The following ASIC2 variants were observed in gnomAD, a reference collection of about 807,000 sequenced individuals.
ASIC2 encodes the protein acid-sensing ion channel 2.
Under a neutral mutation model 57.3 loss-of-function variants are expected in ASIC2, and 25 were observed. That is an observed-to-expected ratio of 0.44 (90% CI 0.32 to 0.61). The LOEUF is 0.61. Ranked by LOEUF, ASIC2 falls within the 20% of genes least tolerant of loss-of-function variation. The probability of loss-of-function intolerance (pLI) is 0.06; values close to 1 mark genes in which losing one functional copy is unlikely to be tolerated. For synonymous variants in ASIC2, 319 were observed against 307.5 expected, an observed-to-expected ratio of 1.04 and a Z score of -0.39; for missense variants, 641 against 738.1, an observed-to-expected ratio of 0.87 and a Z score of 1.52.
At chr17:33,394,325 A>C (rs1909999900) in intron 1 of ASIC2, among the ~76,000 whole-genome samples, 1 of 152,212 alleles carries the variant, frequency 6.6e-6, no homozygotes, top group Non-Finnish European at 1.5e-5. Context: ...ACCCATCAGA[A>C]GGGGTAGAGC....
At chr17:33,381,396 C>T (rs1649155629) in intron 1 of ASIC2, among the ~76,000 whole-genome samples, 1 of 152,244 alleles carries the variant, frequency 6.6e-6, no homozygotes, top group South Asian at 2.1e-4. Flanking sequence ...ACAGCTGGAA[C>T]CAGTTGCTTT....
chr17:33,620,268 C>G (rs1167711339), intron 1 of ASIC2, among the ~76,000 whole-genome samples: 1 of 150,618 alleles, frequency 6.6e-6, no homozygotes, highest in Non-Finnish European at 1.5e-5. Context: ...AAAACACGTC[C>G]TGCATTTTCC....
At position 33,548,425 on chromosome 17, in the gene ASIC2, C is replaced by T. The variant is rs893062073; in HGVS notation, c.556-436358G>A. Among the ~76,000 whole-genome samples, 11 of 152,118 alleles carry T rather than the reference C, an allele frequency of 7.2e-5. 1 individual carries two copies. Among genetic ancestry groups the T allele is most frequent in the Admixed American group, 2.6e-4 (4 of 15,266 alleles). Reference sequence around the variant, plus strand: ...CAGAAGTACATTTCCTTGCTTGTTCCGCTCAGTGTTTAATTAGAAGAAAGG... The same window carrying T: ...CAGAAGTACATTTCCTTGCTTGTTCTGCTCAGTGTTTAATTAGAAGAAAGG... On this transcript the variant is annotated intron_variant, in intron 1 of 9. Coordinates refer to the ASIC2 transcript ENST00000359872.
chr17:33,749,314 T>G (rs950968887), intron 1 of ASIC2, among the ~76,000 whole-genome samples: 2 of 151,766 alleles, frequency 1.3e-5, no homozygotes, highest in Non-Finnish European at 2.9e-5. Context: ...ACCCCATCTT[T>G]GCTTGGTAGG....
intron 1 of ASIC2, among the ~76,000 whole-genome samples, chr17:33,317,271 C>A (rs190795526): frequency 3.3e-5 from 5 of 151,522 alleles, no homozygotes; most frequent in Non-Finnish European, 5.9e-5. Context: ...ATGCTGTGAG[C>A]AGTTCCTCCT....
chr17:33,673,917 CG>C (rs1420047602), intron 1 of ASIC2, among the ~76,000 whole-genome samples: 10 of 136,192 alleles, frequency 7.3e-5, no homozygotes, highest in Admixed American at 7.0e-4. Flanking sequence ...TTTTTGGAGA[CG>C]GAGTCTCACT....
chr17:33,429,091 T>C (rs1055001007), intron 1 of ASIC2, among the ~76,000 whole-genome samples: 2 of 152,152 alleles, frequency 1.3e-5, no homozygotes, highest in Admixed American at 1.3e-4. Context: ...TGTGTCAGGG[T>C]AAGGTGTCTG....
intron 1 of ASIC2, among the ~76,000 whole-genome samples, chr17:33,539,562 TG>T (rs1341478602): frequency 6.6e-6 from 1 of 152,234 alleles, no homozygotes; most frequent in African/African-American, 2.4e-5. Context: ...TTCAATGCCT[TG>T]TAGAAGTGCA....
intron 1 of ASIC2, among the ~76,000 whole-genome samples, chr17:33,883,674 G>A (rs183301522): frequency 2.0e-5 from 3 of 152,180 alleles, no homozygotes; most frequent in East Asian, 3.9e-4. Context: ...CAAGTACCAC[G>A]GACCCTGTAA....
intron 1 of ASIC2, among the ~76,000 whole-genome samples, chr17:33,464,354 G>T (rs186343595): frequency 6.6e-6 from 1 of 152,196 alleles, no homozygotes; most frequent in Non-Finnish European, 1.5e-5. Flanking sequence ...TTGGAAAGCT[G>T]GTTGACTGGC....
intron 3 of ASIC2, among the ~76,000 whole-genome samples, chr17:33,088,205 G>A (rs1349415031): frequency 1.3e-5 from 2 of 152,178 alleles, no homozygotes; most frequent in Non-Finnish European, 2.9e-5. Context: ...AGAAAGAAAC[G>A]GAGTCCGTGT....
intron 1 of ASIC2, among the ~76,000 whole-genome samples, chr17:33,473,054 G>A (rs145643754): frequency 1.0e-3 from 152 of 152,320 alleles, no homozygotes; most frequent in African/African-American, 3.5e-3. Flanking sequence ...TCTGGCCATA[G>A]GCATGCAATA....
intron 1 of ASIC2, among the ~76,000 whole-genome samples, chr17:33,365,730 C>G (rs140176523): frequency 5.3e-5 from 8 of 152,074 alleles, no homozygotes; most frequent in Admixed American, 2.6e-4. Flanking sequence ...AAAAAAAAAC[C>G]TTACTTTATC....
intron 1 of ASIC2, among the ~76,000 whole-genome samples, chr17:34,149,093 CT>C (rs1431201655): frequency 1.3e-5 from 2 of 148,628 alleles, no homozygotes; most frequent in African/African-American, 5.0e-5. Context: ...TTCTTTTTTT[CT>C]TTTTTCTTTT....
rs1910982869 is a variant in ASIC2, at chr17:34,104,721, C to T, written c.555+51257G>A. Among the ~76,000 whole-genome samples, 2 of 151,976 alleles carry T rather than the reference C, an allele frequency of 1.3e-5. 1 individual carries two copies. Among genetic ancestry groups the T allele is most frequent in the African/African-American group, 4.8e-5 (2 of 41,408 alleles). On this transcript the variant is annotated intron_variant, in intron 1 of 9. Transcript: ENST00000359872. ...CCTTTTCTCCATCTATTAAGATGAT[C>T]ATATATGTTTTTAACTTTAATATAT...
chr17:33,615,517 G>C (rs1905574043), intron 1 of ASIC2, among the ~76,000 whole-genome samples: 2 of 152,154 alleles, frequency 1.3e-5, no homozygotes, highest in Admixed American at 6.5e-5. Context: ...AGACTTCTAA[G>C]GTTAACTTGA....
chr17:33,023,490 A>G (rs1240040747), intron 6 of ASIC2, among the ~76,000 whole-genome samples: 2 of 90,246 alleles, frequency 2.2e-5, no homozygotes, highest in East Asian at 4.0e-4. Context: ...GCTCCATCTC[A>G]AAAAAAAAAA....
At chr17:33,032,440 GTTTTTTTT>G (rs60183644) in intron 3 of ASIC2, among the ~76,000 whole-genome samples, 7 of 94,114 alleles carry the variant, frequency 7.4e-5, no homozygotes, top group South Asian at 3.4e-4. Flanking sequence ...ATAATACACT[GTTTTTTTT>G]TTTTTTTTTT....
At chr17:33,143,509 C>A (rs909760215) in intron 1 of ASIC2, among the ~76,000 whole-genome samples, 1 of 152,078 alleles carries the variant, frequency 6.6e-6, no homozygotes, top group Non-Finnish European at 1.5e-5. Context: ...TATTATTAAC[C>A]CCATTTTGGG....
Sources: gnomAD v4.1 joint callset for allele counts (sites outside exome capture counted in the v4.1 genomes callset) on GRCh38, gnomAD v4.1.1 for gene constraint, MANE v1.5 for transcripts, NCBI Gene and HGNC (gene_info 2026-07-23, HGNC 2026-07-21) for gene names.